The following TRIOBP variants were observed in gnomAD, a reference collection of about 807,000 sequenced individuals.
TRIOBP encodes TRIO and F-actin-binding protein.
A neutral mutation model predicts 238.8 loss-of-function variants in TRIOBP; 169 were observed. The observed-to-expected ratio is 0.71, with a 90% CI of 0.62 to 0.80. TRIOBP has a LOEUF of 0.80. Ranked by LOEUF, TRIOBP falls within the 30% of genes least tolerant of loss-of-function variation. The pLI is 0.00. For synonymous variants in TRIOBP, 1,150 were observed against 1,274.4 expected (o/e 0.90, Z 2.08); for missense variants, 2,838 against 3,122.6 (o/e 0.91, Z 2.17).
intron 5 of TRIOBP, among the ~76,000 whole-genome samples, chr22:37,714,599 G>A (rs968325477): frequency 2.0e-5 from 3 of 152,008 alleles, no homozygotes; most frequent in Non-Finnish European, 4.4e-5. Context: ...AACCCGGGAG[G>A]TTGCAGTGAG....
Position 37,726,268 on chromosome 22 carries a change from G to A in TRIOBP, c.3712G>A (p.Ala1238Thr). 12 of 1,612,658 alleles carry A rather than the reference G, an allele frequency of 7.4e-6. No homozygotes were observed. The highest frequency in any genetic ancestry group is 1.0e-5 in the Non-Finnish European group (12 of 1,179,720). Reference protein sequence around the residue: ...SPPRHPPSDLAFLAPSPSPGS... With the variant: ...SPPRHPPSDLTFLAPSPSPGS... ...ACCCCGCCACCCACCCAGTGACCTAGCGTTCCTGGCACCCTCACCTTCACC... is the reference window on the plus strand; with the variant it reads ...ACCCCGCCACCCACCCAGTGACCTAACGTTCCTGGCACCCTCACCTTCACC... Residue 1238 changes from alanine (A) to threonine (T), a missense_variant, in exon 7 of 24, where the codon GCG (alanine) becomes ACG (threonine). Coordinates refer to ENST00000644935, the MANE Select transcript of TRIOBP (RefSeq NM_001039141.3).
rs201406421 is a variant in TRIOBP at position 37,725,859 on chromosome 22, C to A, written c.3303C>A (p.Pro1101=). The change falls in exon 7 of 24, where the codon CCC becomes CCA. Residue 1101 remains proline (P), a synonymous_variant. Transcript: ENST00000644935. ...ATGCCGAGCATCAGTGTCAGTCCCCCCAACACGAGCCCCTTCAGCTCCCTG... is the reference window on the plus strand; with the variant it reads ...ATGCCGAGCATCAGTGTCAGTCCCCACAACACGAGCCCCTTCAGCTCCCTG... ...TSDAEHQCQS[P]QHEPLQLPAP... The A allele has an allele frequency of 1.2e-6, 2 of 1,613,284 alleles. No homozygotes were observed. Among genetic ancestry groups the A allele is most frequent in the African/African-American group, 1.3e-5 (1 of 74,796 alleles).
intron 5 of TRIOBP, among the ~76,000 whole-genome samples, chr22:37,714,313 C>T (rs557238362): frequency 3.9e-5 from 6 of 152,300 alleles, no homozygotes; most frequent in Non-Finnish European, 5.9e-5. Context: ...AGCGACTTGG[C>T]ACTTAGCACC....
intron 7 of TRIOBP, among the ~76,000 whole-genome samples, chr22:37,732,828 A>G (rs766269733): frequency 9.8e-5 from 15 of 152,392 alleles, no homozygotes; most frequent in Non-Finnish European, 1.9e-4. Context: ...CCCCTGGAAC[A>G]TAAGAAGCAC....
chr22:37,740,703 C>T (rs1458054705), intron 10 of TRIOBP, among the ~76,000 whole-genome samples, 192 bp from the exon 11 acceptor site: 2 of 152,188 alleles, frequency 1.3e-5, no homozygotes, highest in Admixed American at 6.5e-5. Flanking sequence ...GCCCTGGGAG[C>T]CTTGTCAGTC....
intron 4 of TRIOBP, among the ~76,000 whole-genome samples, chr22:37,710,960 A>C (rs980780282): frequency 6.6e-6 from 1 of 152,188 alleles, no homozygotes; most frequent in Non-Finnish European, 1.5e-5. Context: ...GCTTTAAAAG[A>C]TTAAACAGTC....
At chr22:37,758,173 T>C in intron 16 of TRIOBP, 35 bp downstream of exon 16, 2 of 1,608,392 alleles carry the variant, frequency 1.2e-6, no homozygotes, top group Non-Finnish European at 1.7e-6. Context: ...GGAGGCCCCT[T>C]GCCCCAGCGC....
chr22:37,772,509 G>A, intron 22 of TRIOBP, 92 bp from the exon 23 acceptor site: 1 of 1,579,400 alleles, frequency 6.3e-7, no homozygotes, highest in Non-Finnish European at 8.7e-7. Flanking sequence ...GGTATCTGCG[G>A]GGAGGTCTGG....
chr22:37,748,858 G>A (rs1267920086), intron 11 of TRIOBP, among the ~76,000 whole-genome samples: 2 of 152,164 alleles, frequency 1.3e-5, no homozygotes, highest in Non-Finnish European at 2.9e-5. Context: ...GTAGCCGCTT[G>A]CCTAGTCATC....
At chr22:37,732,683 G>A (rs1403769688) in intron 7 of TRIOBP, among the ~76,000 whole-genome samples, 4 of 152,074 alleles carry the variant, frequency 2.6e-5, no homozygotes, top group African/African-American at 9.7e-5. Context: ...AACAGTGATG[G>A]GAGGGAAAAA....
At chr22:37,759,741 G>A (rs1051601678) in intron 17 of TRIOBP, 33 of 1,440,572 alleles carry the variant, frequency 2.3e-5, no homozygotes, top group South Asian at 4.3e-5. Flanking sequence ...TGCACCGTCC[G>A]CCTAGGACAG....
chr22:37,756,293 C>T (rs1925916616), intron 15 of TRIOBP, among the ~76,000 whole-genome samples: 1 of 152,046 alleles, frequency 6.6e-6, no homozygotes, highest in Admixed American at 6.6e-5. Context: ...AGACCTCGTC[C>T]CTACAAAAAA....
intron 4 of TRIOBP, 130 bp downstream of exon 4, chr22:37,710,696 C>CT: frequency 2.3e-6 from 3 of 1,315,050 alleles, no homozygotes; most frequent in Admixed American, 2.4e-5. Flanking sequence ...GGTCAGTCCT[C>CT]TAAACCTAGG....
chr22:37,747,653 G>A (rs1289189692), intron 11 of TRIOBP, among the ~76,000 whole-genome samples: 1 of 152,240 alleles, frequency 6.6e-6, no homozygotes, highest in African/African-American at 2.4e-5. Context: ...TCAGTGTCCT[G>A]GGGCCAGGAG....
intron 11 of TRIOBP, among the ~76,000 whole-genome samples, chr22:37,750,355 C>G (rs1159818552): frequency 6.6e-6 from 1 of 152,130 alleles, no homozygotes; most frequent in Non-Finnish European, 1.5e-5. Context: ...GGGAGATGGC[C>G]CAAAAAGCAC....
intron 11 of TRIOBP, among the ~76,000 whole-genome samples, chr22:37,741,840 T>C (rs1601644343): frequency 6.6e-6 from 1 of 152,144 alleles, no homozygotes; most frequent in Non-Finnish European, 1.5e-5. Flanking sequence ...GCCACATCTG[T>C]CTATTAGGAA....
chr22:37,772,195 C>T (rs1300485460), intron 22 of TRIOBP, among the ~76,000 whole-genome samples: 1 of 152,174 alleles, frequency 6.6e-6, no homozygotes, highest in African/African-American at 2.4e-5. Flanking sequence ...CTGGTGCGCT[C>T]TGTCAGTTTG....
At chr22:37,713,659 A>C (rs960075294) in intron 5 of TRIOBP, among the ~76,000 whole-genome samples, 1 of 152,240 alleles carries the variant, frequency 6.6e-6, no homozygotes, top group Non-Finnish European at 1.5e-5. Context: ...TTCAGCCGAC[A>C]GGAGCTCTGG....
intron 4 of TRIOBP, among the ~76,000 whole-genome samples, chr22:37,712,532 AC>A (rs1923305885): frequency 6.6e-6 from 1 of 151,814 alleles, no homozygotes; most frequent in Non-Finnish European, 1.5e-5. Context: ...ACGGGGTTTC[AC>A]CATGTTGGAC....
Sources: gnomAD v4.1 joint callset for allele counts (sites outside exome capture counted in the v4.1 genomes callset) on GRCh38, gnomAD v4.1.1 for gene constraint, MANE v1.5 for transcripts, NCBI Gene and HGNC (gene_info 2026-07-23, HGNC 2026-07-21) for gene names.